The following M1AP variants were observed in gnomAD, a reference collection of about 807,000 sequenced individuals.
The protein encoded by M1AP is meiosis 1 arrest protein.
Under a neutral mutation model 51.2 loss-of-function variants are expected in M1AP, and 39 were observed. That is an observed-to-expected ratio of 0.76 (90% confidence interval 0.59 to 1.00). The LOEUF (loss-of-function observed/expected upper bound fraction) is 1.00, where lower values mean the gene tolerates loss of function less well. Among genes scored for constraint, M1AP ranks in the 50% least tolerant of loss-of-function variants. The pLI, the probability that M1AP is intolerant of heterozygous loss-of-function variation, is 0.00. For missense variants in M1AP, 545 were observed against 641.2 expected, an observed-to-expected ratio of 0.85 and a Z score of 1.62; for synonymous variants, 251 against 249.2, an observed-to-expected ratio of 1.01 and a Z score of -0.07.
Position 74,558,627 on chromosome 2 carries a change from T to G in M1AP, c.*89A>C, listed in dbSNP as rs1264088738. 6.7e-7 allele frequency: 1 copy of G among 1,492,762 alleles called. No individual in the cohort carries two copies. Among genetic ancestry groups the G allele is most frequent in the Non-Finnish European group, 9.2e-7 (1 of 1,091,992 alleles). The allele number at this position is 1,492,762 out of a possible 1,614,324, so 92.5% of individuals were successfully genotyped here. A position where few individuals can be genotyped will look rare whatever the true frequency, so the allele number is the denominator to read the frequency against. On this transcript the variant is annotated 3_prime_UTR_variant, in exon 11 of 11. Transcript: ENST00000421985. ...CCTCACTCACAGAGGCTCAGGCGGATAGAGAGCAAGTCTGACCACAGATAG... is the reference window on the plus strand; with the variant it reads ...CCTCACTCACAGAGGCTCAGGCGGAGAGAGAGCAAGTCTGACCACAGATAG...
chr2:74,571,111 A>G (rs1678712277), intron 7 of M1AP, among the ~76,000 whole-genome samples: 1 of 152,226 alleles, frequency 6.6e-6, no homozygotes, highest in South Asian at 2.1e-4. Context: ...GCTAGTGCCA[A>G]TGTGCAGGGA....
chr2:74,597,801 T>C (rs1384177301), intron 4 of M1AP, among the ~76,000 whole-genome samples: 3 of 152,240 alleles, frequency 2.0e-5, no homozygotes, highest in Non-Finnish European at 4.4e-5. Context: ...AGATGCCCTG[T>C]GGATGCCAAA....
intron 5 of M1AP, among the ~76,000 whole-genome samples, chr2:74,580,517 G>A (rs1021381451): frequency 4.6e-5 from 7 of 152,140 alleles, no homozygotes; most frequent in Non-Finnish European, 7.4e-5. Flanking sequence ...GAGACTTGAC[G>A]GCCATCCCTA....
intron 4 of M1AP, among the ~76,000 whole-genome samples, chr2:74,605,413 T>C (rs1387084332): frequency 6.6e-6 from 1 of 152,220 alleles, no homozygotes. Context: ...TTTTCCATAG[T>C]CTCTTTCTTA....
chr2:74,642,880 T>A (rs193089452), intron 1 of M1AP, among the ~76,000 whole-genome samples: 40 of 152,312 alleles, frequency 2.6e-4, no homozygotes, highest in African/African-American at 9.4e-4. Context: ...AGAAATATAG[T>A]TAATTAAAAC....
At chr2:74,559,847 G>A (rs1366905956) in intron 9 of M1AP, 138 bp from the exon 10 acceptor site, 3 of 675,308 alleles carry the variant, frequency 4.4e-6, no homozygotes, top group East Asian at 2.7e-5. Flanking sequence ...TTTCTTTCAC[G>A]AGGACTGTGG....
chr2:74,631,998 C>T (rs904348745), intron 2 of M1AP, among the ~76,000 whole-genome samples: 7 of 152,086 alleles, frequency 4.6e-5, no homozygotes, highest in African/African-American at 1.4e-4. Flanking sequence ...CATGTTTTTC[C>T]GTAAGCAAAG....
intron 4 of M1AP, among the ~76,000 whole-genome samples, chr2:74,596,311 G>A (rs1360323034): frequency 2.0e-5 from 3 of 152,182 alleles, no homozygotes; most frequent in African/African-American, 2.4e-5. Context: ...GGCGGGGCGC[G>A]GTGGCTCACG....
At chr2:74,565,568 CCT>C (rs1252146901) in intron 7 of M1AP, among the ~76,000 whole-genome samples, 2 of 152,012 alleles carry the variant, frequency 1.3e-5, no homozygotes, top group Non-Finnish European at 2.9e-5. Flanking sequence ...GTGGCTCACA[CCT>C]GTAATCCTAG....
chr2:74,574,596 A>G (rs1678941894), intron 7 of M1AP, among the ~76,000 whole-genome samples: 1 of 152,202 alleles, frequency 6.6e-6, no homozygotes, highest in Non-Finnish European at 1.5e-5. Flanking sequence ...ATTTCTGCCC[A>G]AGTAATATTT....
At chr2:74,586,226 T>C (rs1254319841) in intron 4 of M1AP, among the ~76,000 whole-genome samples, 3 of 152,240 alleles carry the variant, frequency 2.0e-5, no homozygotes, top group Non-Finnish European at 4.4e-5. Flanking sequence ...CTTAGTACTA[T>C]TGTTATTTGG....
At chr2:74,625,690 G>A (rs1682340631) in intron 2 of M1AP, among the ~76,000 whole-genome samples, 1 of 152,138 alleles carries the variant, frequency 6.6e-6, no homozygotes, top group Non-Finnish European at 1.5e-5. Context: ...TCAGCTGTGG[G>A]GTATAGGGAC....
At chr2:74,590,117 C>T (rs962442583) in intron 4 of M1AP, among the ~76,000 whole-genome samples, 5 of 152,198 alleles carry the variant, frequency 3.3e-5, no homozygotes, top group African/African-American at 4.8e-5. Flanking sequence ...TCTATTTGGG[C>T]TGCTATCACA....
At chr2:74,641,417 G>A (rs967588408) in intron 1 of M1AP, among the ~76,000 whole-genome samples, 1 of 152,154 alleles carries the variant, frequency 6.6e-6, no homozygotes, top group Non-Finnish European at 1.5e-5. Context: ...CGTGAAAAGG[G>A]TTATAGGAGG....
chr2:74,602,379 T>A (rs931273173), intron 4 of M1AP, among the ~76,000 whole-genome samples: 3 of 152,104 alleles, frequency 2.0e-5, no homozygotes, highest in African/African-American at 7.2e-5. Flanking sequence ...CTCAGAAATA[T>A]AACAAACCAT....
chr2:74,615,261 AATTT>A (rs1262464646), intron 2 of M1AP, 112 bp from the exon 3 acceptor site: 22 of 951,388 alleles, frequency 2.3e-5, no homozygotes, highest in Non-Finnish European at 3.3e-5. Flanking sequence ...CCTTCCTGAA[AATTT>A]ATTTGACCAA....
At chr2:74,605,079 TA>T (rs1306785330) in intron 4 of M1AP, among the ~76,000 whole-genome samples, 3 of 151,406 alleles carry the variant, frequency 2.0e-5, no homozygotes, top group African/African-American at 7.3e-5. Context: ...TTAGCAAAAA[TA>T]AAAAAACAAA....
chr2:74,626,281 A>G (rs1682388894), intron 2 of M1AP, among the ~76,000 whole-genome samples: 2 of 122,714 alleles, frequency 1.6e-5, no homozygotes, highest in Admixed American at 8.2e-5. Context: ...TTTTTTTGAG[A>G]TAGGATCTTG....
chr2:74,645,689 G>A (rs1418163463), intron 1 of M1AP, among the ~76,000 whole-genome samples: 2 of 152,100 alleles, frequency 1.3e-5, no homozygotes, highest in East Asian at 3.9e-4. Context: ...TTAAAACTGG[G>A]TATAACTATG....
Sources: gnomAD v4.1 joint callset for allele counts (sites outside exome capture counted in the v4.1 genomes callset) on GRCh38, gnomAD v4.1.1 for gene constraint, MANE v1.5 for transcripts, NCBI Gene and HGNC (gene_info 2026-07-23, HGNC 2026-07-21) for gene names.